BHMT: variants seen among roughly 807,000 people sequenced by gnomAD.
BHMT encodes the protein betaine--homocysteine S-methyltransferase 1.
In BHMT, 38 loss-of-function variants were observed where a neutral mutation model predicts 49.5. The observed-to-expected ratio is 0.77, with a 90% CI of 0.59 to 1.01. The LOEUF (loss-of-function observed/expected upper bound fraction) is 1.01, where lower values mean the gene tolerates loss of function less well. Among genes scored for constraint, BHMT ranks in the 50% least tolerant of loss-of-function variants. BHMT has a pLI of 0.00. For synonymous variants in BHMT, 166 were observed against 176.3 expected (o/e 0.94, Z 0.46); for missense variants, 426 against 495.7 (o/e 0.86, Z 1.34).
rs201847417 is a variant in BHMT at position 79,128,003 on chromosome 5, C to T, written c.1037+20C>T. 4 of 1,593,920 alleles carry T rather than the reference C, an allele frequency of 2.5e-6. No individual in the cohort carries two copies. The highest frequency in any genetic ancestry group is 2.3e-5 in the East Asian group (1 of 44,432). On this transcript the variant is annotated intron_variant, in intron 7 of 7. Transcript: ENST00000274353. Reference sequence around the variant, plus strand: ...AGCAAGGTAAGCATCTTTTTACTAACCCAAACTAATTTAGATTATGAATAT... The same window carrying T: ...AGCAAGGTAAGCATCTTTTTACTAATCCAAACTAATTTAGATTATGAATAT...
intron 1 of BHMT, among the ~76,000 whole-genome samples, chr5:79,115,223 C>G (rs1756367795): frequency 6.6e-6 from 1 of 151,510 alleles, no homozygotes; most frequent in Non-Finnish European, 1.5e-5. Context: ...GTTTTGGCTG[C>G]TGGGGAGGGT....
chr5:79,117,124 G>C (rs575381253), intron 2 of BHMT, among the ~76,000 whole-genome samples: 4 of 152,196 alleles, frequency 2.6e-5, no homozygotes, highest in Non-Finnish European at 5.9e-5. Context: ...ATAATCAAGA[G>C]TGAGGAGTTG....
chr5:79,114,911 A>G lies in BHMT; in HGVS notation c.34-856A>G, dbSNP rs1756363483. Among the ~76,000 whole-genome samples the G allele has an allele frequency of 2.0e-5, 3 of 152,232 alleles. No individual in the cohort carries two copies. The South Asian group carries it at 6.2e-4, about 32-fold the overall frequency. On this transcript the variant is annotated intron_variant, in intron 1 of 7. Coordinates refer to ENST00000274353, the MANE Select transcript of BHMT (RefSeq NM_001713.3). ...GTAATTCACAAAACCCTTTCAAAAT[A>G]CTTAATTCCAAAGTTATCCATAGAA...
rs1021301003 is a variant in BHMT at position 79,111,811 on chromosome 5, C to A, written c.-75C>A. 2 of 1,591,816 alleles carry A rather than the reference C, an allele frequency of 1.3e-6. No homozygotes were observed. Among genetic ancestry groups the A allele is most frequent in the Admixed American group, 3.4e-5 (2 of 58,418 alleles). On this transcript the variant is annotated 5_prime_UTR_variant, in exon 1 of 8. Coordinates refer to ENST00000274353, the MANE Select transcript of BHMT (RefSeq NM_001713.3). ...GAGGCAGGCTGCGGACTCGGAGCAG[C>A]TCGGGGCTGCGCAGCGGGAAGGCTC...
intron 7 of BHMT, 71 bp from the exon 8 acceptor site, chr5:79,130,862 G>T (rs1756625492): frequency 1.6e-6 from 2 of 1,273,254 alleles, no homozygotes; most frequent in South Asian, 4.8e-5. Flanking sequence ...ATTTTTAAAT[G>T]GTTCCATGAT....
rs1348750170 is a variant in BHMT at position 79,120,423 on chromosome 5, G to A, written c.359G>A (p.Gly120Glu). 2 of 1,613,968 alleles carry A rather than the reference G, an allele frequency of 1.2e-6. No homozygotes were observed. Among genetic ancestry groups the A allele is most frequent in the East Asian group, 2.2e-5 (1 of 44,882 alleles). Residue 120 changes from glycine to glutamate, a missense_variant, in exon 4 of 8, where the codon GGA becomes GAA. By Grantham distance (98) the Gly-to-Glu change is moderately conservative. Around this residue, in one of 3 missense-constraint regions of BHMT, gnomAD observed 321 missense variants for 355.9 expected, o/e 0.90. Transcript: ENST00000274353. Reference protein sequence around the residue: ...VADEGDALVAGGVSQTPSYLS... With the variant: ...VADEGDALVAEGVSQTPSYLS... ...GATGAAGGAGATGCTTTGGTAGCAG[G>A]AGGAGTGAGTCAGACACCTTCATAC... is the stretch of plus-strand genomic sequence containing the variant.
At chr5:79,128,028 T>C (rs1416233989) in intron 7 of BHMT, 45 bp downstream of exon 7, 2 of 1,556,722 alleles carry the variant, frequency 1.3e-6, no homozygotes, top group African/African-American at 2.7e-5. Flanking sequence ...ATTATGAATA[T>C]GTTCAAGTGA....
At chr5:79,114,741 A>G (rs6875201) in intron 1 of BHMT, among the ~76,000 whole-genome samples, 14,458 of 152,228 alleles carry the variant, frequency 0.095, 733 homozygotes, top group Middle Eastern at 0.12. Flanking sequence ...CTGGAAAACC[A>G]TGTATAAATT....
rs1055971951 is a variant in BHMT at position 79,131,618 on chromosome 5, A to G, written c.*502A>G. Reference sequence around the variant, plus strand: ...ACTGTCGAAATTAAATGTGTGATCCATCCTAGTATTTTCTGTTCCATTCCT... The same window carrying G: ...ACTGTCGAAATTAAATGTGTGATCCGTCCTAGTATTTTCTGTTCCATTCCT... On this transcript the variant is annotated 3_prime_UTR_variant, in exon 8 of 8. Coordinates refer to ENST00000274353, the MANE Select transcript of BHMT (RefSeq NM_001713.3). 6.6e-6 allele frequency: 1 copy of G among 152,316 alleles called. No individual in the cohort carries two copies. The highest frequency in any genetic ancestry group is 2.4e-5 in the African/African-American group (1 of 41,472). The allele number at this position is 152,316 out of a possible 1,614,324, so 9.4% of individuals were successfully genotyped here.
chr5:79,114,085 GTATATA>G (rs60812751), intron 1 of BHMT, among the ~76,000 whole-genome samples: 1 of 146,052 alleles, frequency 6.8e-6, no homozygotes, highest in African/African-American at 2.5e-5. Flanking sequence ...GCTGGCAGTA[GTATATA>G]TATATATATA....
At chr5:79,127,294 G>A (rs756140335) in intron 6 of BHMT, among the ~76,000 whole-genome samples, 3 of 152,156 alleles carry the variant, frequency 2.0e-5, no homozygotes, top group Non-Finnish European at 4.4e-5. Context: ...TTGACTGGGG[G>A]CCTCAGTTCC....
chr5:79,114,860 A>T (rs958350531), intron 1 of BHMT, among the ~76,000 whole-genome samples: 2 of 152,194 alleles, frequency 1.3e-5, no homozygotes, highest in Non-Finnish European at 2.9e-5. Flanking sequence ...AATTACAAAA[A>T]ATCTATTAAA....
chr5:79,128,930 C>T (rs1301058472), intron 7 of BHMT, among the ~76,000 whole-genome samples: 1 of 152,168 alleles, frequency 6.6e-6, no homozygotes, highest in African/African-American at 2.4e-5. Flanking sequence ...GTGGTAGCTG[C>T]TTTAGTAGAT....
At position 79,121,910 on chromosome 5, in the gene BHMT, CTG is replaced by C. The variant is rs374614095; in HGVS notation, c.625+549_625+550del. Among the ~76,000 whole-genome samples the C allele has an allele frequency of 5.6e-3, 853 of 151,004 alleles. 8 individuals carry two copies. The highest frequency in any genetic ancestry group is 0.02 in the African/African-American group (836 of 41,120). ...TGTGGTTAAATACATTTAGAAAATG[CTG>C]TGTTAAACCAAATTAAGCAGATATC... On this transcript the variant is annotated intron_variant, in intron 5 of 7. Transcript: ENST00000274353.
intron 2 of BHMT, 93 bp from the exon 3 acceptor site, chr5:79,119,166 G>T: frequency 1.0e-6 from 1 of 977,692 alleles, no homozygotes. Context: ...AGAAATTCAA[G>T]CAGTTGTTTT....
chr5:79,117,060 G>A (rs1322594581), intron 2 of BHMT, among the ~76,000 whole-genome samples: 1 of 152,170 alleles, frequency 6.6e-6, no homozygotes, highest in African/African-American at 2.4e-5. Flanking sequence ...GCCCCCAGGT[G>A]ACTCTAAGAT....
rs1200846198 is a variant in BHMT, at chr5:79,131,680, G to C, written c.*564G>C. 1 of 152,286 alleles carries C rather than the reference G, an allele frequency of 6.6e-6. No individual in the cohort carries two copies. The highest frequency in any genetic ancestry group is 2.1e-4 in the South Asian group (1 of 4,820). The allele number at this position is 152,286 out of a possible 1,614,324, so 9.4% of individuals were successfully genotyped here. A position where few individuals can be genotyped will look rare whatever the true frequency, so the allele number is the denominator to read the frequency against. On this transcript the variant is annotated 3_prime_UTR_variant, in exon 8 of 8. Coordinates refer to ENST00000274353, the MANE Select transcript of BHMT (RefSeq NM_001713.3). Reference sequence around the variant, plus strand: ...TTCATTTATAAAACATGCTAGTTGAGACTTTTCAAATGGATTTTTATGACC... The same window carrying C: ...TTCATTTATAAAACATGCTAGTTGACACTTTTCAAATGGATTTTTATGACC...
rs1371456203 is a variant in BHMT at position 79,127,882 on chromosome 5, G to A, written c.936G>A (p.Glu312=). Residue 312 remains glutamate (E), a synonymous_variant, in exon 7 of 8, where the codon GAG becomes GAA. Transcript: ENST00000274353. ...CCTACCACATCAGGGCAATTGCAGA[G>A]GAGCTGGCCCCAGAAAGGGGCTTTT... is the stretch of plus-strand genomic sequence containing the variant. ...FEPYHIRAIA[E]ELAPERGFLP... is the part of the protein sequence containing the mutation. 6.2e-7 allele frequency: 1 copy of A among 1,614,142 alleles called. No homozygotes were observed. Among genetic ancestry groups the A allele is most frequent in the South Asian group, 1.1e-5 (1 of 91,074 alleles).
chr5:79,124,462 CAAA>C (rs56304507), intron 5 of BHMT, among the ~76,000 whole-genome samples: 2 of 139,652 alleles, frequency 1.4e-5, no homozygotes, highest in African/African-American at 2.7e-5. Flanking sequence ...TTTTAAAATG[CAAA>C]AAAAAAAAAA....
Sources: allele counts gnomAD v4.1 joint callset (sites outside exome capture counted in the v4.1 genomes callset), GRCh38; gene constraint gnomAD v4.1.1; regional missense constraint gnomAD v4.1.1; transcripts MANE v1.5; gene names NCBI Gene and HGNC (gene_info 2026-07-23, HGNC 2026-07-21).